Variants in SGCZ observed in about 807,000 individuals in gnomAD.
SGCZ encodes zeta-sarcoglycan.
SGCZ carries 40 observed loss-of-function variants against 41.3 expected under a neutral mutation model. The observed-to-expected ratio is 0.97, with a 90% CI of 0.75 to 1.26. SGCZ has a LOEUF of 1.26. Among genes scored for constraint, SGCZ ranks in the 50% most tolerant of loss-of-function variants. SGCZ has a pLI of 0.00. For missense variants in SGCZ, 552 were observed against 369.8 expected, an observed-to-expected ratio of 1.49 and a Z score of -4.04; for synonymous variants, 206 against 137.5, an observed-to-expected ratio of 1.50 and a Z score of -3.49.
chr8:14,178,242 C>T lies in SGCZ; in HGVS notation c.425-13540G>A, dbSNP rs1804615316. Among the ~76,000 whole-genome samples the T allele has an allele frequency of 2.0e-5, 3 of 152,270 alleles. No individual in the cohort carries two copies. The South Asian group carries it at 6.2e-4, about 32-fold the overall frequency. ...GTGCTGGGATTACAGGCTTGAGCCACCACACCTGGCTGATTTTGTTTTTCT... is the reference window on the plus strand; with the variant it reads ...GTGCTGGGATTACAGGCTTGAGCCATCACACCTGGCTGATTTTGTTTTTCT... On this transcript the variant is annotated intron_variant, in intron 4 of 7. Transcript: ENST00000382080.
At chr8:14,618,530 G>C (rs11203646) in intron 1 of SGCZ, among the ~76,000 whole-genome samples, 42,623 of 152,070 alleles carry the variant, frequency 0.28, 7,205 homozygotes, top group East Asian at 0.6. Flanking sequence ...CAATACTAGA[G>C]AAATACAGAA....
At chr8:14,278,916 T>C (rs907439204) in intron 3 of SGCZ, among the ~76,000 whole-genome samples, 4 of 152,116 alleles carry the variant, frequency 2.6e-5, no homozygotes, top group Non-Finnish European at 4.4e-5. Flanking sequence ...ACAAAATGCA[T>C]GGGAATTGCT....
chr8:15,074,326 T>C (rs754412973), intron 1 of SGCZ, among the ~76,000 whole-genome samples: 21 of 152,170 alleles, frequency 1.4e-4, no homozygotes, highest in Admixed American at 1.3e-3. Context: ...ACCTTGTCTC[T>C]CAAATTACTG....
chr8:14,092,460 A>T (rs778574212), intron 7 of SGCZ, among the ~76,000 whole-genome samples: 33 of 152,116 alleles, frequency 2.2e-4, no homozygotes, highest in Non-Finnish European at 3.4e-4. Context: ...GTGGACTTTT[A>T]ATCCAAAGGA....
intron 1 of SGCZ, among the ~76,000 whole-genome samples, chr8:14,748,994 T>A (rs1471285741): frequency 6.6e-6 from 1 of 152,168 alleles, no homozygotes; most frequent in Non-Finnish European, 1.5e-5. Flanking sequence ...CTCATATATA[T>A]AAATTTTGGT....
At chr8:14,643,859 A>C (rs1288871777) in intron 1 of SGCZ, among the ~76,000 whole-genome samples, 3 of 151,760 alleles carry the variant, frequency 2.0e-5, no homozygotes, top group Non-Finnish European at 4.4e-5. Flanking sequence ...AACGTGCTGA[A>C]TAAATTAAGA....
intron 2 of SGCZ, among the ~76,000 whole-genome samples, chr8:14,502,657 T>C (rs1802188872): frequency 6.6e-6 from 1 of 152,078 alleles, no homozygotes; most frequent in Admixed American, 6.6e-5. Flanking sequence ...AGAAAGACAC[T>C]TCTCAAAAGA....
intron 3 of SGCZ, among the ~76,000 whole-genome samples, chr8:14,323,315 A>G (rs1442552247): frequency 6.6e-6 from 1 of 152,074 alleles, no homozygotes; most frequent in African/African-American, 2.4e-5. Flanking sequence ...CCTAAAATAG[A>G]CTTTCACATT....
At chr8:14,216,476 G>C (rs1805997468) in intron 4 of SGCZ, among the ~76,000 whole-genome samples, 1 of 152,080 alleles carries the variant, frequency 6.6e-6, no homozygotes, top group Non-Finnish European at 1.5e-5. Flanking sequence ...AAACTTCCTA[G>C]AGTCCAACAT....
rs567785171 is a variant in SGCZ at position 14,265,660 on chromosome 8, C to T, written c.337-27981G>A. 1.8e-4 allele frequency among the ~76,000 whole-genome samples: 27 copies of T among 151,750 alleles called. 1 individual carries two copies. Among genetic ancestry groups the T allele is most frequent in the Middle Eastern group, 3.4e-3 (1 of 294 alleles). ...ACTCATTTAATAAGGATGCAAACTG[C>T]ACCCTTTGTTTCCCTAAACAGTAAA... On this transcript the variant is annotated intron_variant, in intron 3 of 7. Transcript: ENST00000382080.
chr8:14,145,645 C>G (rs1356010345), intron 5 of SGCZ, among the ~76,000 whole-genome samples: 1 of 152,054 alleles, frequency 6.6e-6, no homozygotes, highest in Non-Finnish European at 1.5e-5. Context: ...AGATACGTGA[C>G]CTTTTAGACA....
intron 1 of SGCZ, among the ~76,000 whole-genome samples, chr8:15,002,867 C>T (rs917999020): frequency 6.6e-6 from 1 of 152,076 alleles, no homozygotes; most frequent in Non-Finnish European, 1.5e-5. Context: ...ATCCCACATG[C>T]CATAGGAGGG....
intron 1 of SGCZ, among the ~76,000 whole-genome samples, chr8:14,572,390 A>T (rs1804581367): frequency 6.6e-6 from 1 of 152,188 alleles, no homozygotes; most frequent in Non-Finnish European, 1.5e-5. Flanking sequence ...GAAGAAAGAG[A>T]ATTAACAACA....
At chr8:15,131,958 T>TA (rs1386660127) in intron 1 of SGCZ, among the ~76,000 whole-genome samples, 2 of 152,238 alleles carry the variant, frequency 1.3e-5, no homozygotes, top group Non-Finnish European at 2.9e-5. Context: ...TGATAATTAC[T>TA]AAGCAACTCT....
At chr8:14,341,761 C>G (rs577110725) in intron 2 of SGCZ, among the ~76,000 whole-genome samples, 1 of 152,088 alleles carries the variant, frequency 6.6e-6, no homozygotes, top group African/African-American at 2.4e-5. Context: ...TGGGTTTAAT[C>G]GGGGGTTTTC....
chr8:14,928,545 A>G (rs1200309615), intron 1 of SGCZ, among the ~76,000 whole-genome samples: 1 of 152,238 alleles, frequency 6.6e-6, no homozygotes, highest in Non-Finnish European at 1.5e-5. Flanking sequence ...CTCTAAATTT[A>G]GCTTTAAACG....
chr8:15,146,175 A>G (rs1420381972), intron 1 of SGCZ, among the ~76,000 whole-genome samples: 1 of 152,192 alleles, frequency 6.6e-6, no homozygotes, highest in Non-Finnish European at 1.5e-5. Context: ...ACTCCAGGAA[A>G]AAGAAAAAGT....
At chr8:14,856,038 T>C (rs963826161) in intron 1 of SGCZ, among the ~76,000 whole-genome samples, 7 of 152,216 alleles carry the variant, frequency 4.6e-5, no homozygotes, top group African/African-American at 1.4e-4. Flanking sequence ...AAACTTTTAA[T>C]TGACGTTTAT....
At chr8:14,852,762 C>T (rs940132155) in intron 1 of SGCZ, among the ~76,000 whole-genome samples, 4 of 152,066 alleles carry the variant, frequency 2.6e-5, no homozygotes, top group South Asian at 4.1e-4. Context: ...TTGCAAAGTA[C>T]AAAAAATTTT....
Sources: gnomAD v4.1 joint callset for allele counts (sites outside exome capture counted in the v4.1 genomes callset) on GRCh38, gnomAD v4.1.1 for gene constraint, MANE v1.5 for transcripts, NCBI Gene and HGNC (gene_info 2026-07-23, HGNC 2026-07-21) for gene names.